NSUN6: variants seen among roughly 807,000 people sequenced by gnomAD.
The protein encoded by NSUN6 is NOP2/Sun RNA methyltransferase 6.
NSUN6 carries 64 observed loss-of-function variants against 58.0 expected under a neutral mutation model. The observed-to-expected ratio is 1.10, with a 90% CI of 0.90 to 1.36. NSUN6 has a LOEUF of 1.36. Ranked by LOEUF, NSUN6 falls within the 40% of genes most tolerant of loss-of-function variation. NSUN6 has a pLI of 0.00. For synonymous variants in NSUN6, 231 were observed against 193.9 expected, an observed-to-expected ratio of 1.19 and a Z score of -1.59; for missense variants, 701 against 550.1, an observed-to-expected ratio of 1.27 and a Z score of -2.74.
chr10:18,571,144 T>A (rs1376268095), intron 8 of NSUN6, among the ~76,000 whole-genome samples: 1 of 150,156 alleles, frequency 6.7e-6, no homozygotes, highest in Admixed American at 6.6e-5. Context: ...CATTCCACTA[T>A]CTATTCTATT....
At chr10:18,599,866 C>G (rs1486050457) in intron 6 of NSUN6, among the ~76,000 whole-genome samples, 4 of 152,114 alleles carry the variant, frequency 2.6e-5, no homozygotes, top group Admixed American at 6.6e-5. Context: ...TAACTGTCAA[C>G]CCTTTATTAG....
chr10:18,610,894 T>C (rs1246695626), intron 5 of NSUN6, among the ~76,000 whole-genome samples: 2 of 151,940 alleles, frequency 1.3e-5, no homozygotes, highest in African/African-American at 4.8e-5. Flanking sequence ...ATAGTCTCAT[T>C]AAAAGGGAAG....
chr10:18,589,569 A>C (rs1589976154), intron 7 of NSUN6, among the ~76,000 whole-genome samples: 1 of 152,124 alleles, frequency 6.6e-6, no homozygotes, highest in Non-Finnish European at 1.5e-5. Context: ...CTCTGCAGAA[A>C]CCCTACAAGC....
At chr10:18,558,036 A>AGAATG (rs1244954107) in intron 8 of NSUN6, among the ~76,000 whole-genome samples, 1 of 151,180 alleles carries the variant, frequency 6.6e-6, no homozygotes, top group Non-Finnish European at 1.5e-5. Context: ...AATAGAATGG[A>AGAATG]GAATGGAATG....
intron 3 of NSUN6, among the ~76,000 whole-genome samples, chr10:18,625,021 G>A (rs2058743527): frequency 6.6e-6 from 1 of 152,148 alleles, no homozygotes. Context: ...AGCCTCTGAT[G>A]AGCTTTTCTT....
chr10:18,588,790 A>G (rs1425165579), intron 7 of NSUN6, among the ~76,000 whole-genome samples: 1 of 152,254 alleles, frequency 6.6e-6, no homozygotes, highest in Non-Finnish European at 1.5e-5. Context: ...TCAAAGGTAT[A>G]TAAATCCATG....
chr10:18,587,615 G>A (rs186439266), intron 7 of NSUN6, among the ~76,000 whole-genome samples: 42 of 152,182 alleles, frequency 2.8e-4, no homozygotes, highest in African/African-American at 9.4e-4. Flanking sequence ...GGACTGGTTA[G>A]GCAGTGGGTG....
intron 4 of NSUN6, among the ~76,000 whole-genome samples, chr10:18,615,973 T>C (rs1409134746): frequency 1.3e-5 from 2 of 150,952 alleles, no homozygotes; most frequent in African/African-American, 4.9e-5. Flanking sequence ...TACATCCTTA[T>C]TTGGAAGGAA....
chr10:18,629,974 G>C (rs1033470388), intron 3 of NSUN6, among the ~76,000 whole-genome samples: 6 of 149,432 alleles, frequency 4.0e-5, no homozygotes, highest in East Asian at 2.0e-4. Context: ...CCACACCACA[G>C]CTATTCCAAA....
At chr10:18,652,217 ATTTTT>A, upstream of NSUN6, 1 of 979,262 alleles carries the variant, frequency 1.0e-6, no homozygotes. Context: ...CCTCGCCATT[ATTTTT>A]TTTTCTTTTT....
rs148687728 is a variant in NSUN6 at position 18,614,791 on chromosome 10, A to G, written c.422-178T>C. 8.0e-3 allele frequency among the ~76,000 whole-genome samples: 1,211 copies of G among 152,266 alleles called. 22 individuals are homozygous for G. Among genetic ancestry groups the G allele is most frequent in the African/African-American group, 0.026 (1,093 of 41,558 alleles). On this transcript the variant is annotated intron_variant, in intron 4 of 10. Transcript: ENST00000377304. ...CTGACTTTTTACTTTAAAATATTCC[A>G]TAACAATAAAACTCACTAAAGAATC... is the stretch of plus-strand genomic sequence containing the variant.
chr10:18,628,489 T>A (rs912698957), intron 3 of NSUN6, among the ~76,000 whole-genome samples: 19 of 152,180 alleles, frequency 1.2e-4, no homozygotes, highest in African/African-American at 2.6e-4. Context: ...CCAAAGGCAT[T>A]GAAGTTGAAA....
intron 6 of NSUN6, among the ~76,000 whole-genome samples, chr10:18,604,856 A>AGCCTG (rs1328323200): frequency 6.7e-6 from 1 of 150,204 alleles, no homozygotes; most frequent in East Asian, 2.0e-4. Context: ...ACTTCACTCC[A>AGCCTG]GCCTGGGTGA....
In NSUN6 at chr10:18,651,215, T is replaced by A. The variant is rs201476168; in HGVS notation, c.-12A>T. On this transcript the variant is annotated 5_prime_UTR_variant, in exon 1 of 11. Coordinates refer to ENST00000377304, the MANE Select transcript of NSUN6 (RefSeq NM_182543.5). ...GGGAAAATAGACATTTTTCCTGTTG[T>A]TTAGTTCTCCACCAAGAGAAATGCT... 22 of 1,552,312 alleles carry A rather than the reference T, an allele frequency of 1.4e-5. No individual in the cohort carries two copies. The Admixed American group carries it at 3.7e-4, about 26-fold the overall frequency.
At chr10:18,564,775 CCATTCTCCATTCCATTCCATTCTG>C (rs1327242641) in intron 8 of NSUN6, among the ~76,000 whole-genome samples, 2 of 56,878 alleles carry the variant, frequency 3.5e-5, no homozygotes, top group East Asian at 2.6e-3. Context: ...GCATTCCATT[CCATTCTCCATTCCATTCCATTCTG>C]CATTCCATTC....
intron 8 of NSUN6, among the ~76,000 whole-genome samples, chr10:18,579,232 G>T (rs1190009318): frequency 6.6e-6 from 1 of 152,088 alleles, no homozygotes; most frequent in Non-Finnish European, 1.5e-5. Context: ...GAGTGCAGTG[G>T]AGCGATCTCG....
At chr10:18,639,669 C>T (rs2059334200) in intron 3 of NSUN6, among the ~76,000 whole-genome samples, 1 of 152,144 alleles carries the variant, frequency 6.6e-6, no homozygotes, top group Non-Finnish European at 1.5e-5. Context: ...CACTCATGTT[C>T]TGATGAGTAG....
chr10:18,585,040 T>C (rs1230324429), intron 8 of NSUN6, among the ~76,000 whole-genome samples: 1 of 144,436 alleles, frequency 6.9e-6, no homozygotes, highest in East Asian at 2.0e-4. Flanking sequence ...GACATACAAA[T>C]AGCCAACAAG....
intron 10 of NSUN6, among the ~76,000 whole-genome samples, chr10:18,546,850 C>T (rs562581219): frequency 2.7e-5 from 4 of 148,304 alleles, no homozygotes; most frequent in South Asian, 2.1e-4. Context: ...CCAGCCTGAG[C>T]GACAGAGTGA....
Sources: allele counts gnomAD v4.1 joint callset (sites outside exome capture counted in the v4.1 genomes callset), GRCh38; gene constraint gnomAD v4.1.1; transcripts MANE v1.5; gene names NCBI Gene and HGNC (gene_info 2026-07-23, HGNC 2026-07-21).